Variants in CDC25C observed in about 807,000 individuals in gnomAD.
The protein encoded by CDC25C is cell division cycle 25C.
In CDC25C, 48 loss-of-function variants were observed where a neutral mutation model predicts 52.5. That is an observed-to-expected ratio of 0.91 (90% CI 0.72 to 1.16). The LOEUF is 1.16. Ranked by LOEUF, CDC25C falls within the 50% of genes most tolerant of loss-of-function variation. The pLI is 0.00. For synonymous variants in CDC25C, 187 were observed against 206.5 expected, an observed-to-expected ratio of 0.91 and a Z score of 0.81; for missense variants, 510 against 566.1, an observed-to-expected ratio of 0.90 and a Z score of 1.01.
chr5:138,331,759 G>A lies in CDC25C; in HGVS notation c.-203C>T. ...TGGGTAGGCCAACGTCGGACTCAGA[G>A]TCTTCCCTGAGCAGAAGGCCAAAGT... On this transcript the variant is annotated 5_prime_UTR_variant, in exon 1 of 14. Coordinates refer to ENST00000323760, the MANE Select transcript of CDC25C (RefSeq NM_001790.5). The A allele has an allele frequency of 1.0e-6, 1 of 972,884 alleles. No homozygotes were observed. The highest frequency in any genetic ancestry group is 4.6e-5 in the South Asian group (1 of 21,628). The allele number at this position is 972,884 out of a possible 1,614,324, so 60.3% of individuals were successfully genotyped here.
intron 6 of CDC25C, among the ~76,000 whole-genome samples, chr5:138,324,223 A>AC (rs1202964391): frequency 6.6e-6 from 1 of 152,166 alleles, no homozygotes; most frequent in African/African-American, 2.4e-5. Context: ...GTGAGCTGAG[A>AC]CTGCGCCACT....
At chr5:138,286,210 G>A (rs1053509368) in intron 12 of CDC25C, 77 bp from the exon 13 acceptor site, 10 of 1,141,824 alleles carry the variant, frequency 8.8e-6, no homozygotes, top group African/African-American at 4.6e-5. Flanking sequence ...CTGGGGAGGG[G>A]GGAGAGGAGT....
At chr5:138,329,747 T>TA in intron 2 of CDC25C, 100 bp from the exon 3 acceptor site, 1 of 593,464 alleles carries the variant, frequency 1.7e-6, no homozygotes, top group Non-Finnish European at 2.8e-6. Flanking sequence ...TTTTTTTTTT[T>TA]TGCAGTGGAG....
At chr5:138,322,195 G>A (rs1454903924) in intron 6 of CDC25C, among the ~76,000 whole-genome samples, 1 of 151,622 alleles carries the variant, frequency 6.6e-6, no homozygotes, top group Non-Finnish European at 1.5e-5. Context: ...TAGAGACAGG[G>A]TTTCACCATG....
intron 3 of CDC25C, 147 bp downstream of exon 3, chr5:138,329,406 C>T: frequency 5.0e-6 from 3 of 604,672 alleles, no homozygotes; most frequent in Non-Finnish European, 8.9e-6. Context: ...TAATCATTCT[C>T]AAAAATCCTC....
At position 138,327,220 on chromosome 5, in the gene CDC25C, A is replaced by C. The variant is rs186036112; in HGVS notation, c.336-1166T>G. Among the ~76,000 whole-genome samples, 816 of 150,748 alleles carry C rather than the reference A, an allele frequency of 5.4e-3. 6 individuals are homozygous for C. Among genetic ancestry groups the C allele is most frequent in the African/African-American group, 0.019 (766 of 41,048 alleles). ...TAGTGAGCCAAAATCGCACCACTGC[A>C]CTCCATCCTGGCAACAGAGCGAGAC... is the stretch of plus-strand genomic sequence containing the variant. On this transcript the variant is annotated intron_variant, in intron 4 of 13. Coordinates refer to ENST00000323760, the MANE Select transcript of CDC25C (RefSeq NM_001790.5).
chr5:138,325,719 C>T (rs373100238), intron 6 of CDC25C, 96 bp downstream of exon 6: 8 of 812,754 alleles, frequency 9.8e-6, no homozygotes, highest in African/African-American at 1.7e-5. Context: ...GTCTAGCATA[C>T]GAGGTATAAA....
chr5:138,289,601 CCA>C, intron 9 of CDC25C, 38 bp from the exon 10 acceptor site: 1 of 1,539,574 alleles, frequency 6.5e-7, no homozygotes, highest in Admixed American at 1.7e-5. Context: ...AGCAAGTATT[CCA>C]CACCCAAGTT....
At chr5:138,293,153 A>C (rs887172691) in intron 7 of CDC25C, among the ~76,000 whole-genome samples, 3 of 152,172 alleles carry the variant, frequency 2.0e-5, no homozygotes, top group African/African-American at 7.2e-5. Context: ...TACCGTCCAC[A>C]TTATACGTAC....
chr5:138,297,724 A>C (rs1295118937), intron 7 of CDC25C, among the ~76,000 whole-genome samples: 1 of 152,228 alleles, frequency 6.6e-6, no homozygotes, highest in Non-Finnish European at 1.5e-5. Flanking sequence ...AAAGAGTAAA[A>C]GAAACAAAGA....
rs1217960715 is a variant in CDC25C, at chr5:138,293,649, C to CT, written c.616-1534dup. ...AATTAATTAGCTAATTGAAACTTAT[C>CT]TTTTTTTTTTTTTTTTTGAGATAGG... is the stretch of plus-strand genomic sequence containing the variant. On this transcript the variant is annotated intron_variant, in intron 7 of 13. Transcript: ENST00000323760. Among the ~76,000 whole-genome samples, 697 of 138,302 alleles carry CT rather than the reference C, an allele frequency of 5.0e-3. 1 individual carries two copies. The highest frequency in any genetic ancestry group is 9.4e-3 in the East Asian group (45 of 4,810). 90.7% of individuals were successfully genotyped at this position (138,302 alleles called of 152,430 possible). A position where few individuals can be genotyped will look rare whatever the true frequency, so the allele number is the denominator to read the frequency against.
chr5:138,310,488 TC>T (rs1397910674), intron 7 of CDC25C, among the ~76,000 whole-genome samples: 1 of 152,230 alleles, frequency 6.6e-6, no homozygotes, highest in Non-Finnish European at 1.5e-5. Context: ...CCATTGAGCA[TC>T]CCCTCACCTA....
At chr5:138,302,287 G>A (rs1051923656) in intron 7 of CDC25C, among the ~76,000 whole-genome samples, 2 of 151,484 alleles carry the variant, frequency 1.3e-5, no homozygotes, top group African/African-American at 2.4e-5. Flanking sequence ...ATGAGCCACC[G>A]TGCTCGGCCG....
At chr5:138,302,589 C>T (rs187762805) in intron 7 of CDC25C, among the ~76,000 whole-genome samples, 2 of 151,932 alleles carry the variant, frequency 1.3e-5, no homozygotes, top group East Asian at 3.9e-4. Context: ...ATCCCAGCTA[C>T]TCGGGAGGCT....
intron 7 of CDC25C, among the ~76,000 whole-genome samples, chr5:138,314,574 G>T (rs1176330933): frequency 6.7e-6 from 1 of 149,562 alleles, no homozygotes; most frequent in Non-Finnish European, 1.5e-5. Context: ...GGGATTACAG[G>T]TGTGAGTCAC....
chr5:138,327,740 C>A (rs548101693), intron 4 of CDC25C, among the ~76,000 whole-genome samples: 1 of 152,190 alleles, frequency 6.6e-6, no homozygotes, highest in South Asian at 2.1e-4. Context: ...ATTATTGTCT[C>A]CACGTTACAA....
At chr5:138,322,088 G>A (rs975678315) in intron 6 of CDC25C, among the ~76,000 whole-genome samples, 3 of 151,656 alleles carry the variant, frequency 2.0e-5, no homozygotes, top group Non-Finnish European at 4.4e-5. Flanking sequence ...TGCAAGCTCC[G>A]CCTCCCGGGT....
At position 138,331,212 on chromosome 5, in the gene CDC25C, AACCT is replaced by A; in HGVS notation, c.-36_-33del. On this transcript the variant is annotated splice_region_variant and 5_prime_UTR_variant, in exon 2 of 14. Coordinates refer to ENST00000323760, the MANE Select transcript of CDC25C (RefSeq NM_001790.5). ...CGAATTCTCACCAGGAGAAAAACAA[AACCT>A]AGCTAGGAGGAAAACGTCATCTAAA... 1 of 1,606,234 alleles carries A rather than the reference AACCT, an allele frequency of 6.2e-7. No homozygotes were observed. The highest frequency in any genetic ancestry group is 2.2e-5 in the East Asian group (1 of 44,842).
chr5:138,286,370 C>A, intron 12 of CDC25C, 127 bp downstream of exon 12: 1 of 1,097,696 alleles, frequency 9.1e-7, no homozygotes, highest in Non-Finnish European at 1.3e-6. Flanking sequence ...ATTTTAGAAA[C>A]GTCTTCCTTC....
Sources: gnomAD v4.1 joint callset for allele counts (sites outside exome capture counted in the v4.1 genomes callset) on GRCh38, gnomAD v4.1.1 for gene constraint, MANE v1.5 for transcripts, NCBI Gene and HGNC (gene_info 2026-07-23, HGNC 2026-07-21) for gene names.